The following CEP350 variants were observed in gnomAD, a reference collection of about 807,000 sequenced individuals.
CEP350 encodes centrosome-associated protein 350.
CEP350 carries 126 observed loss-of-function variants against 331.8 expected under a neutral mutation model. The ratio of observed to expected loss-of-function variants is 0.38; its 90% confidence interval spans 0.33 to 0.44. The LOEUF is 0.44. Ranked by LOEUF, CEP350 falls within the 20% of genes least tolerant of loss-of-function variation. The probability of loss-of-function intolerance (pLI) is 1.00; values close to 1 mark genes in which losing one functional copy is unlikely to be tolerated. For missense variants in CEP350, 3,406 were observed against 3,634.6 expected (o/e 0.94, Z 1.62); for synonymous variants, 1,200 against 1,259.5 (o/e 0.95, Z 1.00).
intron 7 of CEP350, among the ~76,000 whole-genome samples, chr1:180,004,902 G>GCTTGCTTGCTTGCTTT (rs1654133262): frequency 4.0e-5 from 5 of 125,430 alleles, no homozygotes; most frequent in African/African-American, 1.4e-4. Context: ...TTGCTTGCTT[G>GCTTGCTTGCTTGCTTT]CTTGCTTTCT....
intron 29 of CEP350, among the ~76,000 whole-genome samples, chr1:180,079,278 A>ACTGTGC (rs977533646): frequency 3.3e-5 from 5 of 151,588 alleles, no homozygotes; most frequent in Non-Finnish European, 7.4e-5. Flanking sequence ...TATTTAGTAT[A>ACTGTGC]CTGTGGTATA....
chr1:180,105,894 T>C (rs538718764), intron 37 of CEP350, among the ~76,000 whole-genome samples: 1 of 152,350 alleles, frequency 6.6e-6, no homozygotes, highest in South Asian at 2.1e-4. Context: ...ATTTGTGTCT[T>C]CAGGCATTAT....
At chr1:179,997,385 C>CA (rs1272003863) in intron 6 of CEP350, among the ~76,000 whole-genome samples, 1 of 151,140 alleles carries the variant, frequency 6.6e-6, no homozygotes, top group African/African-American at 2.4e-5. Flanking sequence ...ACTAAAAATA[C>CA]AAAAAAAATT....
chr1:180,009,654 A>G (rs1456150340), intron 8 of CEP350, among the ~76,000 whole-genome samples: 1 of 152,196 alleles, frequency 6.6e-6, no homozygotes. Flanking sequence ...CAGTGTATTC[A>G]TGGTTGCTTT....
chr1:179,990,544 C>T lies in CEP350; in HGVS notation c.158C>T (p.Thr53Ile), dbSNP rs1376468423. ...GAAAATAAATTAGAAGTAGCCCCTA[C>T]AAGTACAGCTGTGTGTGATTCTGTC... ...HIENKLEVAP[T>I]STAVCDSVMD... The change falls in exon 4 of 38, where the codon ACA (threonine) becomes ATA (isoleucine). Residue 53 changes from threonine (T) to isoleucine (I), a missense_variant. Transcript: ENST00000367607. The T allele has an allele frequency of 6.2e-7, 1 of 1,603,348 alleles. No homozygotes were observed. The highest frequency in any genetic ancestry group is 8.5e-7 in the Non-Finnish European group (1 of 1,174,160).
At chr1:179,979,697 T>G (rs1345205491) in intron 1 of CEP350, among the ~76,000 whole-genome samples, 1 of 152,130 alleles carries the variant, frequency 6.6e-6, no homozygotes, top group African/African-American at 2.4e-5. Flanking sequence ...TATTTAAGTC[T>G]TTAATCCCTT....
chr1:180,111,225 G>T lies in CEP350; in HGVS notation c.*64G>T. The T allele has an allele frequency of 1.3e-6, 2 of 1,571,826 alleles. No individual in the cohort carries two copies. Among genetic ancestry groups the T allele is most frequent in the Admixed American group, 3.5e-5 (2 of 57,354 alleles). On this transcript the variant is annotated 3_prime_UTR_variant, in exon 38 of 38. Transcript: ENST00000367607. Reference sequence around the variant, plus strand: ...GTCCTGGGCCTTTCTGCCTCCTGATGTACACCCATCGCCATCATAGCAAGA... The same window carrying T: ...GTCCTGGGCCTTTCTGCCTCCTGATTTACACCCATCGCCATCATAGCAAGA...
chr1:180,090,849 T>G, intron 33 of CEP350, 53 bp downstream of exon 33: 1 of 1,396,684 alleles, frequency 7.2e-7, no homozygotes, highest in Non-Finnish European at 9.4e-7. Context: ...TAAGGATTTA[T>G]GCAAAGGCCT....
intron 14 of CEP350, among the ~76,000 whole-genome samples, chr1:180,029,238 G>A (rs1655857476): frequency 1.3e-5 from 2 of 152,120 alleles, no homozygotes; most frequent in Admixed American, 1.3e-4. Flanking sequence ...ATGGGTCCCT[G>A]GACTGGAGTG....
At chr1:180,098,052 C>T (rs1660580421) in intron 36 of CEP350, among the ~76,000 whole-genome samples, 1 of 152,176 alleles carries the variant, frequency 6.6e-6, no homozygotes, top group Non-Finnish European at 1.5e-5. Context: ...CCCACTGCAA[C>T]CTCCGCCTCC....
chr1:180,026,892 T>C (rs923797862), intron 14 of CEP350, among the ~76,000 whole-genome samples: 1 of 152,256 alleles, frequency 6.6e-6, no homozygotes, highest in Non-Finnish European at 1.5e-5. Flanking sequence ...TTTGGTATTT[T>C]CCACCTTTTA....
chr1:180,053,082 A>G lies in CEP350; in HGVS notation c.4905A>G (p.Arg1635=). 1 of 1,607,368 alleles carries G rather than the reference A, an allele frequency of 6.2e-7. No individual in the cohort carries two copies. The highest frequency in any genetic ancestry group is 2.2e-5 in the East Asian group (1 of 44,642). The change falls in exon 23 of 38, where the codon AGA becomes AGG. Residue 1635 remains arginine, a synonymous_variant. Coordinates refer to ENST00000367607, the MANE Select transcript of CEP350 (RefSeq NM_014810.5). The part of the protein sequence containing the change: ...RSLLPSESHR[R]FNMEKRRGHH... ...TACTACCTTCAGAGAGTCACCGCAG[A>G]TTTAACATGGAAAAGAGAAGAGGTC...
intron 1 of CEP350, among the ~76,000 whole-genome samples, chr1:179,981,749 C>T (rs1406316742): frequency 6.6e-5 from 10 of 152,142 alleles, no homozygotes; most frequent in Non-Finnish European, 1.5e-4. Flanking sequence ...ACCCATGATC[C>T]CAGCACTTTA....
chr1:180,010,537 C>T (rs1654568204), intron 8 of CEP350, among the ~76,000 whole-genome samples: 1 of 150,736 alleles, frequency 6.6e-6, no homozygotes, highest in Admixed American at 6.7e-5. Flanking sequence ...TTTAATTAGG[C>T]TTGAAGTGCT....
At position 180,034,100 on chromosome 1, in the gene CEP350, A is replaced by G. The variant is rs944680657; in HGVS notation, c.3946+18A>G. The G allele has an allele frequency of 4.4e-6, 7 of 1,600,670 alleles. No homozygotes were observed. The highest frequency in any genetic ancestry group is 1.3e-5 in the African/African-American group (1 of 74,446). On this transcript the variant is annotated intron_variant, in intron 16 of 37. Transcript: ENST00000367607. ...AATACCAGGTAAGTAGATTCATGCAATTGTAATTTTTAGAATACGATATGA... is the reference window on the plus strand; with the variant it reads ...AATACCAGGTAAGTAGATTCATGCAGTTGTAATTTTTAGAATACGATATGA...
At chr1:179,982,341 G>A (rs982514401) in intron 1 of CEP350, among the ~76,000 whole-genome samples, 8 of 152,092 alleles carry the variant, frequency 5.3e-5, no homozygotes, top group Non-Finnish European at 1.2e-4. Flanking sequence ...TTCACAACAG[G>A]TTTGTGATAT....
chr1:179,963,022 G>A (rs958468980), intron 1 of CEP350, among the ~76,000 whole-genome samples: 1 of 152,080 alleles, frequency 6.6e-6, no homozygotes, highest in Admixed American at 6.5e-5. Flanking sequence ...GTGTGAGATG[G>A]TATCAGTGTG....
intron 21 of CEP350, among the ~76,000 whole-genome samples, chr1:180,046,438 T>C (rs560055616): frequency 6.6e-6 from 1 of 152,366 alleles, no homozygotes; most frequent in Non-Finnish European, 1.5e-5. Context: ...GGCCAAATTA[T>C]ATTCTATTGC....
chr1:180,111,967 C>T lies in CEP350; in HGVS notation c.*806C>T, dbSNP rs1187752846. 1 of 152,610 alleles carries T rather than the reference C, an allele frequency of 6.6e-6. No homozygotes were observed. Among genetic ancestry groups the T allele is most frequent in the Admixed American group, 6.5e-5 (1 of 15,280 alleles). The allele number at this position is 152,610 out of a possible 1,614,324, so 9.5% of individuals were successfully genotyped here. A position where few individuals can be genotyped will look rare whatever the true frequency, so the allele number is the denominator to read the frequency against. On this transcript the variant is annotated 3_prime_UTR_variant, in exon 38 of 38. Coordinates refer to ENST00000367607, the MANE Select transcript of CEP350 (RefSeq NM_014810.5). ...CCAGCTGCTCCCAGAATCACAGATA[C>T]TCAGGACCATCTCAGGCATCCAGGC...
Sources: gnomAD v4.1 joint callset for allele counts (sites outside exome capture counted in the v4.1 genomes callset) on GRCh38, gnomAD v4.1.1 for gene constraint, MANE v1.5 for transcripts, NCBI Gene and HGNC (gene_info 2026-07-23, HGNC 2026-07-21) for gene names.